ITIH4: variants seen among roughly 807,000 people sequenced by gnomAD.
ITIH4 encodes inter-alpha-trypsin inhibitor heavy chain 4.
ITIH4 carries 79 observed loss-of-function variants against 111.8 expected under a neutral mutation model. The ratio of observed to expected loss-of-function variants is 0.71; its 90% CI spans 0.59 to 0.85. The LOEUF (loss-of-function observed/expected upper bound fraction) is 0.85. Ranked by LOEUF, ITIH4 falls within the 40% of genes least tolerant of loss-of-function variation. The pLI is 0.00. For missense variants in ITIH4, 1,065 were observed against 1,195.8 expected, an observed-to-expected ratio of 0.89 and a Z score of 1.61; for synonymous variants, 472 against 468.3, an observed-to-expected ratio of 1.01 and a Z score of -0.10.
intron 14 of ITIH4, 41 bp downstream of exon 14, chr3:52,820,250 A>G (rs1700355449): frequency 3.1e-6 from 5 of 1,613,528 alleles, no homozygotes; most frequent in African/African-American, 1.3e-5. Context: ...GTGTTAGCAG[A>G]CCACCACCCA....
chr3:52,819,977 GAAGA>G lies in ITIH4; in HGVS notation c.1871_1874del (p.Phe624SerfsTer34). On this transcript the variant is annotated frameshift_variant, in exon 15 of 24. Transcript: ENST00000266041. LOFTEE classifies it high-confidence loss of function. ...TTTTTGCTCCCTGGAGATAATATTT[GAAGA>G]AAGTGGAACCTGGAAATCAGTGGGA... 1 of 1,614,084 alleles carries G rather than the reference GAAGA, an allele frequency of 6.2e-7. No individual in the cohort carries two copies. Among genetic ancestry groups the G allele is most frequent in the Non-Finnish European group, 8.5e-7 (1 of 1,180,026 alleles).
intron 13 of ITIH4, 69 bp downstream of exon 13, chr3:52,820,562 G>C (rs1700362742): frequency 6.5e-7 from 1 of 1,529,890 alleles, no homozygotes; most frequent in African/African-American, 1.4e-5. Context: ...AGGATGCAGG[G>C]AAGATCGGGG....
chr3:52,815,502 A>G (rs1455921104), intron 21 of ITIH4, among the ~76,000 whole-genome samples: 1 of 151,992 alleles, frequency 6.6e-6, no homozygotes, highest in Non-Finnish European at 1.5e-5. Flanking sequence ...CTGGCCTCCC[A>G]AAGTGCTGGG....
chr3:52,817,221 G>C (rs780876435), intron 20 of ITIH4, among the ~76,000 whole-genome samples, 163 bp from the exon 21 acceptor site: 1 of 152,230 alleles, frequency 6.6e-6, no homozygotes, highest in Non-Finnish European at 1.5e-5. Context: ...ACTGGGGGCT[G>C]GCTCCCACAA....
In ITIH4 at chr3:52,829,122, G is replaced by C; in HGVS notation, c.248C>G (p.Ser83Cys). The C allele has an allele frequency of 6.2e-7, 1 of 1,607,096 alleles. No homozygotes were observed. The highest frequency in any genetic ancestry group is 1.1e-5 in the South Asian group (1 of 90,834). ...LPKKAFITNFSMIIDGMTYPG... is the reference protein window; with the variant it reads ...LPKKAFITNFCMIIDGMTYPG... ...AGGAGGGTGGGAAGGCACCTACATGGAGAAGTTGGTGATGAAGGCTTTCTT... is the reference window on the plus strand; with the variant it reads ...AGGAGGGTGGGAAGGCACCTACATGCAGAAGTTGGTGATGAAGGCTTTCTT... The change falls in exon 2 of 24, where the codon TCC becomes TGC. Residue 83 changes from serine to cysteine, a missense_variant. Transcript: ENST00000266041.
intron 14 of ITIH4, 95 bp from the exon 15 acceptor site, chr3:52,820,085 C>G (rs1700351235): frequency 7.1e-7 from 1 of 1,402,148 alleles, no homozygotes; most frequent in African/African-American, 1.4e-5. Context: ...GGGACAGGGC[C>G]TGAGGCACAG....
In ITIH4 at chr3:52,817,900, G is replaced by C; in HGVS notation, c.2296+152C>G. ...AGGTCCCCGGGGTGTCTGTGTGAGT[G>C]TGTGCCCATGCCAGCACTGGGAGGC... is the stretch of plus-strand genomic sequence containing the variant. On this transcript the variant is annotated intron_variant, in intron 20 of 23. Coordinates refer to ENST00000266041, the MANE Select transcript of ITIH4 (RefSeq NM_002218.5). The C allele has an allele frequency of 4.2e-6, 3 of 713,540 alleles. No individual in the cohort carries two copies. In the South Asian group the frequency reaches 4.9e-5, roughly 12 times the overall value. The allele number at this position is 713,540 out of a possible 1,614,324, so 44.2% of individuals were successfully genotyped here.
rs1015576851 is a variant in ITIH4, at chr3:52,819,629, C to T, written c.1952-111G>A. 16 of 1,580,912 alleles carry T rather than the reference C, an allele frequency of 1.0e-5. No homozygotes were observed. The Middle Eastern group carries it at 5.8e-4, about 58-fold the overall frequency. On this transcript the variant is annotated intron_variant, in intron 16 of 23. Transcript: ENST00000266041. ...TGCGGAGAGGGCAGCTATGTCCCCTCTCCCCACACCCGGCCAACTTGGGGA... is the reference window on the plus strand; with the variant it reads ...TGCGGAGAGGGCAGCTATGTCCCCTTTCCCCACACCCGGCCAACTTGGGGA...
intron 2 of ITIH4, among the ~76,000 whole-genome samples, chr3:52,828,368 T>G (rs1351454804): frequency 6.6e-6 from 1 of 152,222 alleles, no homozygotes; most frequent in East Asian, 1.9e-4. Context: ...TGGGGGATGC[T>G]TGGCGCCTGA....
In ITIH4 at chr3:52,826,092, T is replaced by C. The variant is rs570992916; in HGVS notation, c.631-78A>G. The C allele has an allele frequency of 4.5e-6, 7 of 1,568,910 alleles. No individual in the cohort carries two copies. The South Asian group carries it at 4.7e-5, about 11-fold the overall frequency. On this transcript the variant is annotated intron_variant, in intron 5 of 23. Coordinates refer to ENST00000266041, the MANE Select transcript of ITIH4 (RefSeq NM_002218.5). The stretch of plus-strand genomic sequence containing the variant: ...AACACCCTCTACCCCTGTCTGTATA[T>C]TGGGAAATCAGAATTCCAGGATGCA...
intron 23 of ITIH4, 49 bp downstream of exon 23, chr3:52,813,926 T>A (rs1700231491): frequency 6.7e-7 from 1 of 1,486,062 alleles, no homozygotes; most frequent in African/African-American, 1.4e-5. Flanking sequence ...GGCCTGCCAG[T>A]CCCCACCCCA....
chr3:52,821,229 T>G (rs1578776036), intron 11 of ITIH4, 99 bp from the exon 12 acceptor site: 1 of 1,401,032 alleles, frequency 7.1e-7, no homozygotes, highest in South Asian at 1.3e-5. Flanking sequence ...CTGGGGCAGG[T>G]CCCACACACT....
rs763106787 is a variant in ITIH4, at chr3:52,824,821, G to C, written c.876+21C>G. 6.3e-7 allele frequency: 1 copy of C among 1,583,410 alleles called. No individual in the cohort carries two copies. Among genetic ancestry groups the C allele is most frequent in the Non-Finnish European group, 8.7e-7 (1 of 1,153,888 alleles). On this transcript the variant is annotated intron_variant, in intron 7 of 23. Transcript: ENST00000266041. The surrounding 1 kb of genome is among the most constrained non-coding windows in gnomAD (Gnocchi z 4.3). ...AGGGCCTGGGAGTTTTCAGGGCCCT[G>C]CCCTGGGCCACAGGACCTACCTGCT... is the stretch of plus-strand genomic sequence containing the variant.
At chr3:52,819,612 G>C in intron 16 of ITIH4, 94 bp from the exon 17 acceptor site, 1 of 1,586,752 alleles carries the variant, frequency 6.3e-7, no homozygotes, top group Non-Finnish European at 8.6e-7. Context: ...GGTGCGGAGA[G>C]GGCAGCTATG....
chr3:52,821,139 A>T lies in ITIH4; in HGVS notation c.1540-9T>A. On this transcript the variant is annotated splice_polypyrimidine_tract_variant and intron_variant, in intron 11 of 23. Transcript: ENST00000266041. ...GTGATGTTCTGTGTAGGCTGGAAAG[A>T]GGGGCCCAGCCAGGGCAGGAGCAGT... is the stretch of plus-strand genomic sequence containing the variant. 6.2e-7 allele frequency: 1 copy of T among 1,612,060 alleles called. No homozygotes were observed. The highest frequency in any genetic ancestry group is 1.3e-5 in the African/African-American group (1 of 74,970).
chr3:52,817,088 C>T (rs1700291446), intron 20 of ITIH4, 30 bp from the exon 21 acceptor site: 1 of 1,597,576 alleles, frequency 6.3e-7, no homozygotes, highest in Non-Finnish European at 8.5e-7. Flanking sequence ...GAGGTCATAG[C>T]TGGGCCCCAG....
intron 17 of ITIH4, 100 bp downstream of exon 17, chr3:52,819,293 T>C: frequency 7.2e-7 from 1 of 1,386,148 alleles, no homozygotes; most frequent in African/African-American, 1.4e-5. Flanking sequence ...GTCCCTGGCC[T>C]GGCCCTGTGG....
chr3:52,821,155 C>T lies in ITIH4; in HGVS notation c.1540-25G>A, dbSNP rs772972320. 7.5e-6 allele frequency: 12 copies of T among 1,607,146 alleles called. No homozygotes were observed. In the South Asian group the frequency reaches 9.9e-5, roughly 13 times the overall value. On this transcript the variant is annotated intron_variant, in intron 11 of 23. Transcript: ENST00000266041. ...GCTGGAAAGAGGGGCCCAGCCAGGG[C>T]AGGAGCAGTGAGGGCCGGACATCTG...
Position 52,814,051 on chromosome 3 carries a change from G to C in ITIH4, c.2647C>G (p.Leu883Val). ...GTLGQFYQEV[L>V]WGSPAASDDG... ...TCTGATGCTGCTGGAGATCCCCAGA[G>C]CACCTCCTGGTAAAACTGGCCTGAG... Residue 883 changes from leucine to valine, a missense_variant, in exon 23 of 24, where the codon CTC (leucine) becomes GTC (valine). By Grantham distance (32) the Leu-to-Val change is conservative. Coordinates refer to ENST00000266041, the MANE Select transcript of ITIH4 (RefSeq NM_002218.5). The C allele has an allele frequency of 6.2e-7, 1 of 1,613,900 alleles. No individual in the cohort carries two copies. Among genetic ancestry groups the C allele is most frequent in the Non-Finnish European group, 8.5e-7 (1 of 1,179,930 alleles).
Sources: gnomAD v4.1 joint callset for allele counts (sites outside exome capture counted in the v4.1 genomes callset) on GRCh38, gnomAD v4.1.1 for gene constraint, Gnocchi (gnomAD v3.1) non-coding constraint, MANE v1.5 for transcripts, NCBI Gene and HGNC (gene_info 2026-07-23, HGNC 2026-07-21) for gene names.